Variants in SPMIP7 observed in about 807,000 individuals in gnomAD.
The protein encoded by SPMIP7 is protein SPMIP7.
chr7:50,126,305 A>G, the SPMIP7 span, among the ~76,000 whole-genome samples: 1 of 152,218 alleles, frequency 6.6e-6, no homozygotes, highest in East Asian at 1.9e-4. Context: ...GATGAAATGA[A>G]TAAAATCTTT....
the SPMIP7 span, among the ~76,000 whole-genome samples, chr7:50,128,735 T>C: frequency 5.1e-4 from 77 of 152,036 alleles, no homozygotes; most frequent in African/African-American, 1.7e-3. Flanking sequence ...ATTTGTCTGA[T>C]AGTAATTCTA....
At chr7:50,103,050 T>TA in the SPMIP7 span, among the ~76,000 whole-genome samples, 1 of 41,610 alleles carries the variant, frequency 2.4e-5, no homozygotes, top group Admixed American at 3.0e-4. Context: ...AGATCATATA[T>TA]TTTATATATA....
the SPMIP7 span, among the ~76,000 whole-genome samples, chr7:50,125,507 C>T: frequency 6.7e-6 from 1 of 149,654 alleles, no homozygotes; most frequent in East Asian, 2.0e-4. Flanking sequence ...GATAGATACA[C>T]AAGAGAAAAA....
chr7:50,101,802 A>G, the SPMIP7 span, among the ~76,000 whole-genome samples: 81 of 152,338 alleles, frequency 5.3e-4, no homozygotes, highest in South Asian at 1.7e-3. Context: ...CACAGACAGA[A>G]TCATCCTCAT....
the SPMIP7 span, among the ~76,000 whole-genome samples, chr7:50,151,868 T>G: frequency 1.3e-5 from 2 of 152,340 alleles, no homozygotes; most frequent in Non-Finnish European, 1.5e-5. Context: ...ATTAGAGGAA[T>G]GGCATCTTTA....
the SPMIP7 span, among the ~76,000 whole-genome samples, chr7:50,145,587 CGTGTGT>C: frequency 1.4e-4 from 4 of 28,418 alleles, no homozygotes; most frequent in African/African-American, 2.8e-4. Context: ...TATATATGTG[CGTGTGT>C]GTGTGTGTGT....
the SPMIP7 span, among the ~76,000 whole-genome samples, chr7:50,133,514 T>C: frequency 2.8e-3 from 423 of 152,252 alleles, 3 homozygotes; most frequent in African/African-American, 9.4e-3. Context: ...AACTGTAAGA[T>C]GTATGTAAGT....
the SPMIP7 span, among the ~76,000 whole-genome samples, chr7:50,118,982 G>C: frequency 6.6e-6 from 1 of 152,084 alleles, no homozygotes; most frequent in African/African-American, 2.4e-5. Flanking sequence ...AATACTGCAG[G>C]CTTTAATGCA....
the SPMIP7 span, chr7:50,134,084 T>A: frequency 6.6e-7 from 1 of 1,518,280 alleles, no homozygotes; most frequent in Non-Finnish European, 8.8e-7. Context: ...TTTCATAAGA[T>A]GTTCCTATTT....
chr7:50,110,968 A>G, the SPMIP7 span, among the ~76,000 whole-genome samples: 1 of 142,170 alleles, frequency 7.0e-6, no homozygotes, highest in African/African-American at 2.6e-5. Flanking sequence ...TAATATGTAA[A>G]CCATCAGCTA....
the SPMIP7 span, among the ~76,000 whole-genome samples, chr7:50,123,651 G>T: frequency 6.6e-6 from 1 of 151,994 alleles, no homozygotes; most frequent in African/African-American, 2.4e-5. Flanking sequence ...TTAACTCTAA[G>T]TGAACTGTGG....
At chr7:50,135,750 C>T in the SPMIP7 span, among the ~76,000 whole-genome samples, 6 of 152,076 alleles carry the variant, frequency 3.9e-5, no homozygotes, top group Non-Finnish European at 7.4e-5. Flanking sequence ...GGGAAACTGG[C>T]CTGGGTTTGC....
the SPMIP7 span, chr7:50,151,681 G>A: frequency 7.3e-6 from 5 of 682,974 alleles, no homozygotes; most frequent in East Asian, 5.9e-5. Context: ...TAAAAATGTG[G>A]CATCAAGTCC....
At chr7:50,140,205 T>TA in the SPMIP7 span, 107 of 1,433,432 alleles carry the variant, frequency 7.5e-5, no homozygotes, top group Non-Finnish European at 9.7e-5. Context: ...CTCAGTCTTG[T>TA]AAAAAAATTT....
At chr7:50,141,046 A>T in the SPMIP7 span, among the ~76,000 whole-genome samples, 1 of 152,168 alleles carries the variant, frequency 6.6e-6, no homozygotes, top group Non-Finnish European at 1.5e-5. Context: ...CCTTACTGTC[A>T]CTCTGGCTCA....
the SPMIP7 span, among the ~76,000 whole-genome samples, chr7:50,140,457 C>T: frequency 7.8e-3 from 1,192 of 152,232 alleles, 24 homozygotes; most frequent in African/African-American, 0.027. Flanking sequence ...AAATACATTA[C>T]CTTTTGAAAT....
the SPMIP7 span, among the ~76,000 whole-genome samples, chr7:50,138,454 A>C: frequency 3.9e-5 from 6 of 152,372 alleles, no homozygotes; most frequent in African/African-American, 1.4e-4. Flanking sequence ...TACGAAAAAC[A>C]CATGCCACTC....
chr7:50,157,530 ATC>A, the SPMIP7 span, among the ~76,000 whole-genome samples: 10 of 152,226 alleles, frequency 6.6e-5, no homozygotes, highest in Non-Finnish European at 1.3e-4. Flanking sequence ...ACATATGTGT[ATC>A]TGTGTGTATT....
At chr7:50,142,241 C>A in the SPMIP7 span, 1 of 152,048 alleles carries the variant, frequency 6.6e-6, no homozygotes, top group South Asian at 2.1e-4. Context: ...TTCTTTGATA[C>A]GTATATCTAA....
Sources: gnomAD v4.1 joint callset for allele counts (sites outside exome capture counted in the v4.1 genomes callset) on GRCh38, gnomAD v4.1.1 for gene constraint, MANE v1.5 for transcripts, NCBI Gene and HGNC (gene_info 2026-07-23, HGNC 2026-07-21) for gene names.